The following LRIG1 variants were observed in gnomAD, a reference collection of about 807,000 sequenced individuals.
LRIG1 encodes leucine-rich repeats and immunoglobulin-like domains protein 1.
A neutral mutation model predicts 99.2 loss-of-function variants in LRIG1; 48 were observed. The observed-to-expected ratio is 0.48, with a 90% confidence interval of 0.38 to 0.62. The LOEUF is 0.62. LRIG1 is among the 20% of genes least tolerant of loss of function. The pLI is 0.00. For missense variants in LRIG1, 1,646 were observed against 1,434.4 expected (o/e 1.15, Z -2.38); for synonymous variants, 772 against 596.1 (o/e 1.29, Z -4.30).
chr3:66,420,652 T>C (rs1326286272), intron 3 of LRIG1, among the ~76,000 whole-genome samples: 6 of 152,214 alleles, frequency 3.9e-5, no homozygotes, highest in African/African-American at 7.2e-5. Context: ...TGGATGAGCA[T>C]TGCGGACATG....
intron 7 of LRIG1, among the ~76,000 whole-genome samples, chr3:66,409,343 G>C (rs182891430): frequency 6.6e-6 from 1 of 152,210 alleles, no homozygotes; most frequent in African/African-American, 2.4e-5. Context: ...GGAATGCTGC[G>C]TTCACTGTCC....
rs576817887 is a variant in LRIG1, at chr3:66,449,319, T to A, written c.365+2240A>T. Among the ~76,000 whole-genome samples, 4 of 152,296 alleles carry A rather than the reference T, an allele frequency of 2.6e-5. No homozygotes were observed. The East Asian group carries it at 7.7e-4, about 29-fold the overall frequency. ...AAAACCAAGATAAAGCCCCTTCGGT[T>A]TCTGTCATTTCAGAGAAATCACTGA... On this transcript the variant is annotated intron_variant, in intron 3 of 18. Transcript: ENST00000273261.
intron 3 of LRIG1, among the ~76,000 whole-genome samples, chr3:66,417,934 T>C (rs1345542356): frequency 2.0e-5 from 3 of 152,160 alleles, no homozygotes; most frequent in African/African-American, 7.2e-5. Context: ...CTCGGTTTTC[T>C]CATTTGGAAG....
chr3:66,462,374 C>G, intron 2 of LRIG1, 64 bp downstream of exon 2: 7 of 1,225,564 alleles, frequency 5.7e-6, no homozygotes, highest in Non-Finnish European at 7.2e-6. Flanking sequence ...TGCTGCAATA[C>G]AAGAGGATTT....
chr3:66,382,517 A>ATGACACATG (rs1701138454), intron 15 of LRIG1, 119 bp from the exon 16 acceptor site: 7 of 1,176,814 alleles, frequency 5.9e-6, no homozygotes, highest in African/African-American at 3.2e-5. Context: ...CGCTGTGCAG[A>ATGACACATG]GAGATGACAT....
At chr3:66,431,132 C>A (rs972017122) in intron 3 of LRIG1, among the ~76,000 whole-genome samples, 9 of 152,178 alleles carry the variant, frequency 5.9e-5, no homozygotes, top group African/African-American at 2.2e-4. Context: ...CCGGGTACGG[C>A]ACAGCTGAAC....
At chr3:66,484,240 C>A (rs1192085958) in intron 1 of LRIG1, among the ~76,000 whole-genome samples, 1 of 152,134 alleles carries the variant, frequency 6.6e-6, no homozygotes, top group African/African-American at 2.4e-5. Context: ...ACAGGACATA[C>A]AGGACTCTAC....
At chr3:66,488,902 T>A (rs1253317086) in intron 1 of LRIG1, among the ~76,000 whole-genome samples, 1 of 152,214 alleles carries the variant, frequency 6.6e-6, no homozygotes, top group Non-Finnish European at 1.5e-5. Context: ...AGAAAGATGC[T>A]GCCTGCAGTG....
At chr3:66,477,576 C>T (rs1256425963) in intron 1 of LRIG1, among the ~76,000 whole-genome samples, 1 of 152,216 alleles carries the variant, frequency 6.6e-6, no homozygotes, top group African/African-American at 2.4e-5. Flanking sequence ...GTCTGGACTT[C>T]AGACCAAGAT....
chr3:66,412,537 G>C (rs1403805466), intron 6 of LRIG1, among the ~76,000 whole-genome samples: 2 of 152,220 alleles, frequency 1.3e-5, no homozygotes, highest in Non-Finnish European at 2.9e-5. Context: ...GTTTGGCCCG[G>C]TCCCCAAGAC....
chr3:66,480,171 A>C (rs1700815530), intron 1 of LRIG1, among the ~76,000 whole-genome samples: 1 of 152,202 alleles, frequency 6.6e-6, no homozygotes, highest in Non-Finnish European at 1.5e-5. Flanking sequence ...AATATGGACG[A>C]ATCATGACAA....
At chr3:66,488,915 C>G (rs898994732) in intron 1 of LRIG1, among the ~76,000 whole-genome samples, 1 of 152,144 alleles carries the variant, frequency 6.6e-6, no homozygotes, top group Non-Finnish European at 1.5e-5. Flanking sequence ...CTGCAGTGGC[C>G]CTGAGAAAGG....
intron 6 of LRIG1, among the ~76,000 whole-genome samples, chr3:66,412,018 T>C (rs1305046468): frequency 6.6e-6 from 1 of 152,240 alleles, no homozygotes; most frequent in Non-Finnish European, 1.5e-5. Context: ...GTCAAATTAC[T>C]TTTGATTAAA....
At chr3:66,463,502 C>G (rs941024849) in intron 1 of LRIG1, among the ~76,000 whole-genome samples, 3 of 152,200 alleles carry the variant, frequency 2.0e-5, no homozygotes, top group African/African-American at 7.2e-5. Flanking sequence ...AAAGAGCAAG[C>G]TGGGCAACTA....
chr3:66,453,748 G>A (rs1703982951), intron 2 of LRIG1, among the ~76,000 whole-genome samples: 1 of 152,166 alleles, frequency 6.6e-6, no homozygotes, highest in Admixed American at 6.5e-5. Context: ...AGGCCAGCTG[G>A]AAAGCTCATA....
chr3:66,492,596 C>A (rs1701127726), intron 1 of LRIG1, among the ~76,000 whole-genome samples: 1 of 152,016 alleles, frequency 6.6e-6, no homozygotes, highest in Admixed American at 6.6e-5. Context: ...AACTTTTGAC[C>A]ACAAAAGTTC....
chr3:66,500,634 G>A lies in LRIG1; in HGVS notation c.-227C>T, dbSNP rs1382326005. On this transcript the variant is annotated 5_prime_UTR_variant, in exon 1 of 19. Transcript: ENST00000273261. ...GGGGCCGCAAACCCCGCGCCCATCCGGGCCGGCCGGCCCGCCCGCGCTAGC... is the reference window on the plus strand; with the variant it reads ...GGGGCCGCAAACCCCGCGCCCATCCAGGCCGGCCGGCCCGCCCGCGCTAGC... 7 of 316,068 alleles carry A rather than the reference G, an allele frequency of 2.2e-5. No individual in the cohort carries two copies. Among genetic ancestry groups the A allele is most frequent in the East Asian group, 1.5e-4 (3 of 20,060 alleles). The allele number at this position is 316,068 out of a possible 1,614,324, so 19.6% of individuals were successfully genotyped here.
At position 66,404,023 on chromosome 3, in the gene LRIG1, G is replaced by GA. The variant is rs749435402; in HGVS notation, c.1160+1174dup. On this transcript the variant is annotated intron_variant, in intron 9 of 18. Transcript: ENST00000273261. ...GGTCACGTATGGGTTAAAGGCTGGG[G>GA]AAAATCAGCATTGTTTTAGGGACAA... is the stretch of plus-strand genomic sequence containing the variant. Among the ~76,000 whole-genome samples, 123 of 152,318 alleles carry GA rather than the reference G, an allele frequency of 8.1e-4. 1 individual carries two copies. The highest frequency in any genetic ancestry group is 1.5e-3 in the Non-Finnish European group (99 of 68,028).
intron 17 of LRIG1, 152 bp from the exon 18 acceptor site, chr3:66,381,013 CA>C: frequency 2.7e-6 from 2 of 735,848 alleles, no homozygotes; most frequent in South Asian, 3.7e-5. Flanking sequence ...ACTATGTCCC[CA>C]GAGAAAGGAC....
Sources: allele counts gnomAD v4.1 joint callset (sites outside exome capture counted in the v4.1 genomes callset), GRCh38; gene constraint gnomAD v4.1.1; transcripts MANE v1.5; gene names NCBI Gene and HGNC (gene_info 2026-07-23, HGNC 2026-07-21).